ZFHX3: variants seen among roughly 807,000 people sequenced by gnomAD.
ZFHX3 encodes the protein zinc finger homeobox protein 3.
In ZFHX3, 42 loss-of-function variants were observed where a neutral mutation model predicts 279.1. The ratio of observed to expected loss-of-function variants is 0.15; its 90% CI spans 0.12 to 0.19. ZFHX3 has a LOEUF of 0.19. Ranked by LOEUF, ZFHX3 falls within the 10% of genes least tolerant of loss-of-function variation. The probability of loss-of-function intolerance (pLI) is 1.00; values close to 1 mark genes in which losing one functional copy is unlikely to be tolerated. For synonymous variants in ZFHX3, 2,293 were observed against 1,957.8 expected (o/e 1.17, Z -4.52); for missense variants, 4,981 against 4,754.0 (o/e 1.05, Z -1.40).
At chr16:73,063,224 G>A (rs1049571145), upstream of ZFHX3, among the ~76,000 whole-genome samples, 7 of 152,234 alleles carry the variant, frequency 4.6e-5, no homozygotes, top group South Asian at 2.1e-4. Context: ...CCGGGGAAGG[G>A]GCTGCTCTCA....
In ZFHX3 at chr16:73,511,997, C is replaced by T. The variant is rs180852716; in HGVS notation, c.-1546-55739G>A. 5.8e-3 allele frequency among the ~76,000 whole-genome samples: 881 copies of T among 152,234 alleles called. 3 individuals are homozygous for T. The highest frequency in any genetic ancestry group is 0.01 in the Middle Eastern group (3 of 294). ...TGGTCCCCAAGGCTCATCCCACAACCTTTCACTGCCTGCAACCCGATACCA... is the reference window on the plus strand; with the variant it reads ...TGGTCCCCAAGGCTCATCCCACAACTTTTCACTGCCTGCAACCCGATACCA... On this transcript the variant is annotated intron_variant, in intron 2 of 17. Coordinates refer to the ZFHX3 transcript ENST00000641206.
intron 2 of ZFHX3, among the ~76,000 whole-genome samples, chr16:73,552,794 A>G (rs1473112076): frequency 6.6e-6 from 1 of 152,220 alleles, no homozygotes; most frequent in Non-Finnish European, 1.5e-5. Flanking sequence ...TATTAAAAAA[A>G]CCTTAGATTT....
intron 1 of ZFHX3, among the ~76,000 whole-genome samples, chr16:73,710,930 C>T (rs1048609981): frequency 2.0e-5 from 3 of 152,320 alleles, no homozygotes; most frequent in African/African-American, 7.2e-5. Context: ...TTAACAGTCA[C>T]TTCCACAGCA....
chr16:73,056,297 C>G (rs1358144655), intron 1 of ZFHX3, among the ~76,000 whole-genome samples: 1 of 152,190 alleles, frequency 6.6e-6, no homozygotes, highest in African/African-American at 2.4e-5. Context: ...CATACACACA[C>G]AGCAACTCAT....
intron 3 of ZFHX3, among the ~76,000 whole-genome samples, chr16:73,424,955 A>G (rs961781970): frequency 2.0e-5 from 3 of 152,124 alleles, no homozygotes; most frequent in Non-Finnish European, 4.4e-5. Context: ...TTTCTAAAGC[A>G]GGACATGCCC....
At chr16:73,275,852 T>C (rs1453470546) in intron 4 of ZFHX3, among the ~76,000 whole-genome samples, 1 of 152,160 alleles carries the variant, frequency 6.6e-6, no homozygotes, top group Non-Finnish European at 1.5e-5. Flanking sequence ...TGCAGTAAAG[T>C]GAAGCACAAT....
intron 7 of ZFHX3, chr16:73,093,631 A>G: frequency 2.0e-6 from 1 of 493,832 alleles, no homozygotes; most frequent in South Asian, 1.5e-5. Flanking sequence ...AGGATGAGTG[A>G]ACTCGGCCTC....
At chr16:73,065,126 G>A (rs528488654) in intron 8 of ZFHX3, among the ~76,000 whole-genome samples, 73 of 152,244 alleles carry the variant, frequency 4.8e-4, no homozygotes, top group Non-Finnish European at 9.4e-4. Flanking sequence ...ACCCTGCGAT[G>A]GGCGGGCGGC....
At chr16:73,086,290 G>A (rs1161523863) in intron 8 of ZFHX3, among the ~76,000 whole-genome samples, 1 of 152,180 alleles carries the variant, frequency 6.6e-6, no homozygotes, top group Non-Finnish European at 1.5e-5. Flanking sequence ...CAGCCTCTAT[G>A]GAAAAGTGGA....
intron 1 of ZFHX3, among the ~76,000 whole-genome samples, chr16:73,804,536 G>A (rs1343340235): frequency 6.6e-6 from 1 of 152,100 alleles, no homozygotes; most frequent in Non-Finnish European, 1.5e-5. Context: ...AGCTTTATCC[G>A]CACCTTTCTT....
intron 1 of ZFHX3, among the ~76,000 whole-genome samples, chr16:73,773,269 C>T (rs1457822420): frequency 1.3e-5 from 2 of 152,214 alleles, no homozygotes; most frequent in Non-Finnish European, 2.9e-5. Context: ...GAGGAGGGTG[C>T]CACCCCAGGC....
intron 5 of ZFHX3, among the ~76,000 whole-genome samples, chr16:73,236,528 G>A (rs2012954610): frequency 6.6e-6 from 1 of 152,070 alleles, no homozygotes; most frequent in Non-Finnish European, 1.5e-5. Context: ...AGCCTGAGAG[G>A]CAGAGGTTGT....
Position 73,425,646 on chromosome 16 carries a change from C to T in ZFHX3, c.-1291+30357G>A, listed in dbSNP as rs138605674. Among the ~76,000 whole-genome samples the T allele has an allele frequency of 5.3e-5, 8 of 152,044 alleles. No homozygotes were observed. The East Asian group carries it at 1.4e-3, about 26-fold the overall frequency. On this transcript the variant is annotated intron_variant, in intron 3 of 17. Transcript: ENST00000641206. ...AGACTCAAGGGTATGGCAGATGGGT[C>T]GAGCTGATGGACCCCTCTCGTGTGT...
chr16:73,650,959 A>G (rs1417035294), intron 2 of ZFHX3, among the ~76,000 whole-genome samples: 1 of 152,190 alleles, frequency 6.6e-6, no homozygotes, highest in Non-Finnish European at 1.5e-5. Flanking sequence ...AGACCTATAC[A>G]CATAAATTAT....
chr16:73,491,027 T>C (rs1338367364), intron 2 of ZFHX3, among the ~76,000 whole-genome samples: 1 of 152,224 alleles, frequency 6.6e-6, no homozygotes, highest in Non-Finnish European at 1.5e-5. Flanking sequence ...AAAGTGGATA[T>C]ACCTTTGACA....
At chr16:72,827,056 T>TA (rs1292996534) in intron 5 of ZFHX3, among the ~76,000 whole-genome samples, 1 of 152,042 alleles carries the variant, frequency 6.6e-6, no homozygotes, top group Non-Finnish European at 1.5e-5. Context: ...GCACATAGAG[T>TA]AGGGACTTTG....
chr16:72,932,972 G>T (rs1356884704), intron 3 of ZFHX3, among the ~76,000 whole-genome samples: 3 of 152,184 alleles, frequency 2.0e-5, no homozygotes, highest in African/African-American at 4.8e-5. Context: ...TTCAAACCCA[G>T]GCAGCCTGAC....
intron 3 of ZFHX3, among the ~76,000 whole-genome samples, chr16:72,932,936 C>G (rs909474873): frequency 6.6e-6 from 1 of 150,808 alleles, no homozygotes; most frequent in African/African-American, 2.5e-5. Context: ...GATGAACAAA[C>G]AGGAATTAAG....
At chr16:73,419,643 T>C (rs2017675663) in intron 3 of ZFHX3, among the ~76,000 whole-genome samples, 1 of 152,064 alleles carries the variant, frequency 6.6e-6, no homozygotes, top group Admixed American at 6.6e-5. Flanking sequence ...GGGGTCTCGC[T>C]ATGTTGCCCA....
Sources: gnomAD v4.1 joint callset for allele counts (sites outside exome capture counted in the v4.1 genomes callset) on GRCh38, gnomAD v4.1.1 for gene constraint, MANE v1.5 for transcripts, NCBI Gene and HGNC (gene_info 2026-07-23, HGNC 2026-07-21) for gene names.